The following TRAPPC9 variants were observed in gnomAD, a reference collection of about 807,000 sequenced individuals.
The protein encoded by TRAPPC9 is trafficking protein particle complex subunit 9.
Under a neutral mutation model 124.0 loss-of-function variants are expected in TRAPPC9, and 83 were observed. That is an observed-to-expected ratio of 0.67 (90% confidence interval 0.56 to 0.80). The LOEUF (loss-of-function observed/expected upper bound fraction) is 0.80, where lower values mean the gene tolerates loss of function less well. Among genes scored for constraint, TRAPPC9 ranks in the 30% least tolerant of loss-of-function variants. The pLI is 0.00. For synonymous variants in TRAPPC9, 638 were observed against 617.5 expected, an observed-to-expected ratio of 1.03 and a Z score of -0.49; for missense variants, 1,302 against 1,508.3, an observed-to-expected ratio of 0.86 and a Z score of 2.27.
chr8:139,791,485 G>A (rs1822672858), intron 21 of TRAPPC9, among the ~76,000 whole-genome samples: 1 of 145,630 alleles, frequency 6.9e-6, no homozygotes, highest in Non-Finnish European at 1.5e-5. Flanking sequence ...ACTCACACAG[G>A]CACCCATCTC....
chr8:140,036,224 A>T (rs1179953945), intron 17 of TRAPPC9, among the ~76,000 whole-genome samples: 4 of 44,126 alleles, frequency 9.1e-5, no homozygotes, highest in Non-Finnish European at 3.4e-4. Context: ...CGACTTCTTT[A>T]AAAAAAAAAA....
At chr8:139,741,093 G>A (rs886770994) in intron 21 of TRAPPC9, among the ~76,000 whole-genome samples, 10 of 152,144 alleles carry the variant, frequency 6.6e-5, no homozygotes, top group African/African-American at 1.7e-4. Flanking sequence ...CTGCACCCAC[G>A]GCCTCCCCCT....
intron 21 of TRAPPC9, among the ~76,000 whole-genome samples, chr8:139,860,975 C>T (rs1007467641): frequency 7.9e-5 from 12 of 152,386 alleles, no homozygotes; most frequent in African/African-American, 2.6e-4. Flanking sequence ...GTGGAGCAGG[C>T]GTCTCACAGG....
intron 17 of TRAPPC9, among the ~76,000 whole-genome samples, chr8:140,163,921 G>A (rs2061790779): frequency 6.6e-6 from 1 of 152,140 alleles, no homozygotes; most frequent in South Asian, 2.1e-4. Flanking sequence ...GAAAGGAGGA[G>A]AAATTTTTAG....
chr8:140,454,740 A>C (rs2071592290), intron 1 of TRAPPC9, among the ~76,000 whole-genome samples: 2 of 151,230 alleles, frequency 1.3e-5, no homozygotes, highest in South Asian at 4.2e-4. Context: ...GGAGTTCGAG[A>C]CCAGCCTGGC....
At chr8:139,814,620 T>C (rs141922794) in intron 21 of TRAPPC9, among the ~76,000 whole-genome samples, 48 of 152,264 alleles carry the variant, frequency 3.2e-4, no homozygotes, top group Non-Finnish European at 6.3e-4. Context: ...ACTTTTCCAG[T>C]TGTACAGCCA....
rs530202237 is a variant in TRAPPC9 at position 140,025,199 on chromosome 8, A to G, written c.2557-1120T>C. Among the ~76,000 whole-genome samples, 8 of 152,320 alleles carry G rather than the reference A, an allele frequency of 5.3e-5. No homozygotes were observed. In the East Asian group the frequency reaches 1.5e-3, roughly 29 times the overall value. ...GGGCACCCAGAGTAACCACAGCAAC[A>G]AGAAGTTCAACCAGGTTCCCCTCCG... On this transcript the variant is annotated intron_variant, in intron 17 of 22. Transcript: ENST00000438773.
At chr8:140,044,677 G>A (rs995337248) in intron 17 of TRAPPC9, among the ~76,000 whole-genome samples, 3 of 152,216 alleles carry the variant, frequency 2.0e-5, no homozygotes, top group Non-Finnish European at 2.9e-5. Context: ...CAACACCTTC[G>A]GCACTGATAC....
intron 7 of TRAPPC9, among the ~76,000 whole-genome samples, chr8:140,392,231 C>T (rs2068946963): frequency 6.6e-6 from 1 of 152,116 alleles, no homozygotes; most frequent in Admixed American, 6.5e-5. Flanking sequence ...AACTACTTTG[C>T]AAAGTTGTTG....
At chr8:140,456,908 G>A (rs527436310) in intron 1 of TRAPPC9, 2 of 874,574 alleles carry the variant, frequency 2.3e-6, no homozygotes, top group Non-Finnish European at 1.4e-6. Flanking sequence ...AGACATTCAC[G>A]TTGGGAAGGT....
intron 17 of TRAPPC9, among the ~76,000 whole-genome samples, chr8:140,117,703 G>C (rs2060914162): frequency 6.6e-6 from 1 of 152,202 alleles, no homozygotes; most frequent in Non-Finnish European, 1.5e-5. Context: ...TATGATGGCA[G>C]CTTTTATTTA....
intron 19 of TRAPPC9, among the ~76,000 whole-genome samples, chr8:139,935,106 C>T (rs73725327): frequency 0.023 from 3,481 of 152,172 alleles, 114 homozygotes; most frequent in African/African-American, 0.077. Context: ...ATGGGAGCCC[C>T]GAAAGACCAG....
At chr8:139,865,663 C>A (rs1828478679) in intron 21 of TRAPPC9, among the ~76,000 whole-genome samples, 1 of 152,170 alleles carries the variant, frequency 6.6e-6, no homozygotes, top group South Asian at 2.1e-4. Context: ...TCAGAGGCCA[C>A]CCCTTCCCTC....
At chr8:139,891,761 C>T (rs1276757054) in intron 20 of TRAPPC9, among the ~76,000 whole-genome samples, 1 of 152,196 alleles carries the variant, frequency 6.6e-6, no homozygotes, top group Admixed American at 6.5e-5. Context: ...GTGGGCAGAC[C>T]AACAGCCAAG....
intron 19 of TRAPPC9, among the ~76,000 whole-genome samples, chr8:139,958,077 T>C (rs1411395382): frequency 1.3e-5 from 2 of 152,150 alleles, no homozygotes; most frequent in African/African-American, 4.8e-5. Flanking sequence ...ATGCCAATCA[T>C]GCGCGAGTCA....
chr8:140,272,260 GGTGT>G (rs1357068616), intron 15 of TRAPPC9, among the ~76,000 whole-genome samples: 3 of 146,988 alleles, frequency 2.0e-5, no homozygotes, highest in Non-Finnish European at 4.5e-5. Context: ...GGGTTGGGGT[GGTGT>G]TTGTGGTGGT....
rs1258119809 is a variant in TRAPPC9, at chr8:139,781,604, C to G, written c.3056-49402G>C. 2.6e-5 allele frequency among the ~76,000 whole-genome samples: 4 copies of G among 152,198 alleles called. No individual in the cohort carries two copies. The East Asian group carries it at 7.7e-4, about 29-fold the overall frequency. On this transcript the variant is annotated intron_variant, in intron 21 of 22. Transcript: ENST00000438773. ...AGAATGTACAATGCCAAGAGTGAAC[C>G]TTAGTGAAAACTGAACTTCGGTTGA...
intron 21 of TRAPPC9, among the ~76,000 whole-genome samples, chr8:139,770,520 C>T (rs528235666): frequency 2.0e-5 from 3 of 152,320 alleles, no homozygotes; most frequent in East Asian, 1.9e-4. Context: ...TGGGTCCCCA[C>T]GGGGCCCCAT....
At chr8:140,431,312 C>T (rs566568129) in intron 4 of TRAPPC9, among the ~76,000 whole-genome samples, 2 of 151,956 alleles carry the variant, frequency 1.3e-5, no homozygotes, top group South Asian at 4.1e-4. Context: ...TAAAAACTAG[C>T]CGGGCGTAGT....
Sources: allele counts gnomAD v4.1 joint callset (sites outside exome capture counted in the v4.1 genomes callset), GRCh38; gene constraint gnomAD v4.1.1; transcripts MANE v1.5; gene names NCBI Gene and HGNC (gene_info 2026-07-23, HGNC 2026-07-21).